Variants in ATRNL1 observed in about 807,000 individuals in gnomAD.
The protein encoded by ATRNL1 is attractin-like protein 1.
A neutral mutation model predicts 182.7 loss-of-function variants in ATRNL1; 95 were observed. The ratio of observed to expected loss-of-function variants is 0.52; its 90% CI spans 0.44 to 0.62. The LOEUF is 0.62. ATRNL1 is among the 20% of genes least tolerant of loss of function. The probability of loss-of-function intolerance (pLI) is 0.00; values close to 1 mark genes in which losing one functional copy is unlikely to be tolerated. For missense variants in ATRNL1, 1,471 were observed against 1,679.5 expected, an observed-to-expected ratio of 0.88 and a Z score of 2.17; for synonymous variants, 576 against 568.3, an observed-to-expected ratio of 1.01 and a Z score of -0.19.
intron 24 of ATRNL1, among the ~76,000 whole-genome samples, chr10:115,496,622 G>A (rs547981262): frequency 1.9e-4 from 29 of 152,076 alleles, no homozygotes; most frequent in South Asian, 4.1e-4. Flanking sequence ...CTAACTTTTC[G>A]ATGTGGACGT....
intron 26 of ATRNL1, among the ~76,000 whole-genome samples, chr10:115,634,580 G>A (rs1858739510): frequency 6.6e-6 from 1 of 151,970 alleles, no homozygotes; most frequent in East Asian, 1.9e-4. Context: ...GATTCAAGTA[G>A]AATTCTATTT....
At chr10:115,342,271 C>A (rs1422082699) in intron 19 of ATRNL1, among the ~76,000 whole-genome samples, 2 of 151,586 alleles carry the variant, frequency 1.3e-5, no homozygotes, top group Admixed American at 1.3e-4. Context: ...CTTTCTTTCC[C>A]TCCTGTCTTC....
At chr10:115,398,194 G>A (rs533431411) in intron 20 of ATRNL1, among the ~76,000 whole-genome samples, 203 of 152,012 alleles carry the variant, frequency 1.3e-3, no homozygotes, top group Non-Finnish European at 2.4e-3. Flanking sequence ...TCCTTGTATT[G>A]TACCTTGTGG....
intron 26 of ATRNL1, among the ~76,000 whole-genome samples, chr10:115,589,969 G>T (rs1855804890): frequency 6.6e-6 from 1 of 152,066 alleles, no homozygotes; most frequent in South Asian, 2.1e-4. Context: ...GCTTTGTGTT[G>T]GTTGTCTGTA....
At chr10:115,855,561 A>G (rs1443857534) in intron 28 of ATRNL1, among the ~76,000 whole-genome samples, 3 of 152,210 alleles carry the variant, frequency 2.0e-5, no homozygotes, top group African/African-American at 7.2e-5. Context: ...TATTTAATTG[A>G]TGAATAAAAT....
chr10:115,695,618 T>C (rs1208306954), intron 26 of ATRNL1, among the ~76,000 whole-genome samples: 1 of 152,116 alleles, frequency 6.6e-6, no homozygotes, highest in Non-Finnish European at 1.5e-5. Flanking sequence ...AACTATATCA[T>C]CATTTCCTAT....
intron 13 of ATRNL1, among the ~76,000 whole-genome samples, chr10:115,276,866 TG>T (rs1156594460): frequency 6.6e-6 from 1 of 152,154 alleles, no homozygotes; most frequent in Non-Finnish European, 1.5e-5. Context: ...TTTCATTTTT[TG>T]TACTTGTTTA....
intron 21 of ATRNL1, among the ~76,000 whole-genome samples, chr10:115,459,499 C>T (rs1460045019): frequency 6.6e-6 from 1 of 152,284 alleles, no homozygotes; most frequent in South Asian, 2.1e-4. Context: ...GTGAAATAAA[C>T]TCCAGTCTCC....
chr10:115,584,686 C>G (rs1296650612), intron 26 of ATRNL1, among the ~76,000 whole-genome samples: 7 of 151,454 alleles, frequency 4.6e-5, no homozygotes, highest in Non-Finnish European at 5.9e-5. Context: ...TTTGTTGATC[C>G]TTTCAAAAAA....
intron 28 of ATRNL1, among the ~76,000 whole-genome samples, chr10:115,943,281 G>T (rs543868723): frequency 6.6e-6 from 1 of 152,256 alleles, no homozygotes; most frequent in South Asian, 2.1e-4. Context: ...ATCTGATAAA[G>T]AACTGATATC....
At chr10:115,841,627 T>G (rs1950811069) in intron 27 of ATRNL1, among the ~76,000 whole-genome samples, 1 of 152,122 alleles carries the variant, frequency 6.6e-6, no homozygotes, top group African/African-American at 2.4e-5. Context: ...TTTAACCCTG[T>G]TTTTGAGTGT....
intron 8 of ATRNL1, among the ~76,000 whole-genome samples, chr10:115,173,861 T>C (rs1847387819): frequency 6.6e-6 from 1 of 151,886 alleles, no homozygotes; most frequent in African/African-American, 2.4e-5. Flanking sequence ...AAAAAATGTA[T>C]TTCTTGCATA....
chr10:115,541,042 C>G (rs1852331785), intron 25 of ATRNL1, among the ~76,000 whole-genome samples: 1 of 152,076 alleles, frequency 6.6e-6, no homozygotes, highest in African/African-American at 2.4e-5. Flanking sequence ...AAAGAGGACA[C>G]ATAAAATACT....
At chr10:115,824,433 C>A (rs962269461) in intron 27 of ATRNL1, among the ~76,000 whole-genome samples, 1 of 152,096 alleles carries the variant, frequency 6.6e-6, no homozygotes, top group Admixed American at 6.5e-5. Context: ...AAAATGGGAT[C>A]TAATTAAACT....
intron 26 of ATRNL1, among the ~76,000 whole-genome samples, chr10:115,637,988 A>G (rs1858993650): frequency 6.6e-6 from 1 of 152,116 alleles, no homozygotes; most frequent in African/African-American, 2.4e-5. Flanking sequence ...TATACTATAC[A>G]GTTTTTATAA....
chr10:115,354,200 C>G (rs933334663), intron 19 of ATRNL1, among the ~76,000 whole-genome samples: 2 of 67,570 alleles, frequency 3.0e-5, no homozygotes, highest in Admixed American at 4.1e-4. Flanking sequence ...CATGACAATT[C>G]TTCTTCTAAT....
At chr10:115,186,044 C>A (rs1554888676) in intron 8 of ATRNL1, among the ~76,000 whole-genome samples, 1 of 151,568 alleles carries the variant, frequency 6.6e-6, no homozygotes, top group African/African-American at 2.4e-5. Context: ...ACTGAGTGAA[C>A]AGAATGAAGA....
intron 26 of ATRNL1, among the ~76,000 whole-genome samples, chr10:115,553,138 G>T (rs1255674374): frequency 1.3e-5 from 2 of 151,254 alleles, no homozygotes; most frequent in South Asian, 4.1e-4. Context: ...ATTGTTCCCT[G>T]CAATGAAGAT....
chr10:115,221,400 G>T (rs910044211), intron 9 of ATRNL1, among the ~76,000 whole-genome samples: 1 of 152,168 alleles, frequency 6.6e-6, no homozygotes, highest in African/African-American at 2.4e-5. Flanking sequence ...TGGTTACATA[G>T]ATAGGGCACT....
Sources: allele counts gnomAD v4.1 joint callset (sites outside exome capture counted in the v4.1 genomes callset), GRCh38; gene constraint gnomAD v4.1.1; transcripts MANE v1.5; gene names NCBI Gene and HGNC (gene_info 2026-07-23, HGNC 2026-07-21).